Variants in CNGB3 observed in about 807,000 individuals in gnomAD.
CNGB3 encodes the protein cyclic nucleotide-gated channel beta-3.
A neutral mutation model predicts 92.8 loss-of-function variants in CNGB3; 86 were observed. The observed-to-expected ratio is 0.93, with a 90% CI of 0.78 to 1.11. CNGB3 has a LOEUF of 1.11. Among genes scored for constraint, CNGB3 ranks in the 50% least tolerant of loss-of-function variants. The pLI is 0.00. For synonymous variants in CNGB3, 333 were observed against 332.7 expected (o/e 1.00, Z -0.01); for missense variants, 1,026 against 956.8 (o/e 1.07, Z -0.95).
chr8:86,578,948 C>T (rs1166154190), intron 16 of CNGB3, 85 bp from the exon 17 acceptor site: 1 of 1,572,922 alleles, frequency 6.4e-7, no homozygotes, highest in Non-Finnish European at 8.7e-7. Flanking sequence ...TTTATCCTAA[C>T]CTGTGTAGTT....
intron 3 of CNGB3, among the ~76,000 whole-genome samples, chr8:86,693,956 A>G (rs77705723): frequency 0.89 from 134,899 of 151,372 alleles, 60,351 homozygotes; most frequent in East Asian, 1. Context: ...TCAATGAGCC[A>G]TTGGGTACAC....
intron 10 of CNGB3, among the ~76,000 whole-genome samples, chr8:86,642,796 T>C (rs1375775352): frequency 6.6e-6 from 1 of 151,632 alleles, no homozygotes; most frequent in Non-Finnish European, 1.5e-5. Flanking sequence ...ATTTTTCAAG[T>C]GATCTTTTTT....
intron 15 of CNGB3, among the ~76,000 whole-genome samples, chr8:86,585,602 G>C (rs1013499005): frequency 6.6e-6 from 1 of 152,078 alleles, no homozygotes; most frequent in Non-Finnish European, 1.5e-5. Context: ...ACATAAAATG[G>C]AATTCATAAA....
Position 86,725,539 on chromosome 8 carries a change from C to T in CNGB3, c.338+992G>A, listed in dbSNP as rs116585956. ...AAATAACATTGTGTTTATGTGCACA[C>T]GTGTGTATGTGTGTGCGTGTATGTG... is the stretch of plus-strand genomic sequence containing the variant. On this transcript the variant is annotated intron_variant, in intron 3 of 17. Coordinates refer to ENST00000320005, the MANE Select transcript of CNGB3 (RefSeq NM_019098.5). 3.8e-3 allele frequency among the ~76,000 whole-genome samples: 580 copies of T among 152,102 alleles called. 4 individuals carry two copies. The highest frequency in any genetic ancestry group is 0.013 in the African/African-American group (527 of 41,508).
At chr8:86,714,839 C>A (rs1385637657) in intron 3 of CNGB3, among the ~76,000 whole-genome samples, 2 of 152,128 alleles carry the variant, frequency 1.3e-5, no homozygotes, top group African/African-American at 4.8e-5. Context: ...GGACTGCATG[C>A]TACGTGGGAG....
intron 10 of CNGB3, among the ~76,000 whole-genome samples, chr8:86,642,946 C>A (rs770705130): frequency 6.6e-6 from 1 of 151,588 alleles, no homozygotes; most frequent in Non-Finnish European, 1.5e-5. Context: ...TTAGCCACTG[C>A]ACCTGCCCTT....
intron 2 of CNGB3, among the ~76,000 whole-genome samples, chr8:86,731,858 A>G (rs1360078283): frequency 1.3e-5 from 2 of 152,182 alleles, no homozygotes; most frequent in African/African-American, 4.8e-5. Context: ...AAAAAAGAAA[A>G]TGTATATTAA....
intron 10 of CNGB3, 48 bp downstream of exon 10, chr8:86,643,703 G>A: frequency 3.2e-6 from 5 of 1,584,116 alleles, no homozygotes; most frequent in Non-Finnish European, 4.3e-6. Flanking sequence ...CAATGAAACA[G>A]AATGTTAAAA....
intron 14 of CNGB3, among the ~76,000 whole-genome samples, chr8:86,609,154 C>T (rs904962582): frequency 1.3e-5 from 2 of 152,208 alleles, no homozygotes; most frequent in Non-Finnish European, 2.9e-5. Context: ...TGCATCTACT[C>T]TGCATTTCAT....
chr8:86,738,856 A>G (rs1825291490), intron 2 of CNGB3, among the ~76,000 whole-genome samples: 1 of 150,306 alleles, frequency 6.7e-6, no homozygotes, highest in Non-Finnish European at 1.5e-5. Flanking sequence ...AAAAAAAAAA[A>G]GGGAAGTGGG....
At chr8:86,683,956 A>C (rs1824132604) in intron 3 of CNGB3, among the ~76,000 whole-genome samples, 1 of 152,208 alleles carries the variant, frequency 6.6e-6, no homozygotes. Flanking sequence ...CTAAAAATAC[A>C]GTCCATGAAA....
At chr8:86,660,381 G>T in intron 6 of CNGB3, 1 of 435,558 alleles carries the variant, frequency 2.3e-6, no homozygotes. Context: ...GGGCAGATGT[G>T]CAACTGATCC....
chr8:86,607,352 T>A (rs1366636144), intron 14 of CNGB3, among the ~76,000 whole-genome samples: 1 of 152,148 alleles, frequency 6.6e-6, no homozygotes, highest in African/African-American at 2.4e-5. Context: ...GTTGTTAGCG[T>A]GTGGACTAAT....
intron 13 of CNGB3, among the ~76,000 whole-genome samples, chr8:86,618,489 T>A (rs919102256): frequency 6.6e-6 from 1 of 151,596 alleles, no homozygotes; most frequent in African/African-American, 2.4e-5. Flanking sequence ...TACAACCAAG[T>A]ATGTTATCTC....
chr8:86,633,797 A>G (rs1274096298), intron 10 of CNGB3, among the ~76,000 whole-genome samples: 2 of 152,226 alleles, frequency 1.3e-5, no homozygotes, highest in African/African-American at 4.8e-5. Context: ...GTTTAGATCC[A>G]ATTGTTTTTA....
chr8:86,629,198 A>G (rs1469194672), intron 11 of CNGB3, 120 bp from the exon 12 acceptor site: 6 of 1,170,930 alleles, frequency 5.1e-6, no homozygotes, highest in African/African-American at 3.0e-5. Flanking sequence ...GATTTTATTC[A>G]TTCATTCATT....
intron 3 of CNGB3, among the ~76,000 whole-genome samples, chr8:86,697,125 A>G (rs1213838178): frequency 6.6e-6 from 1 of 152,196 alleles, no homozygotes; most frequent in African/African-American, 2.4e-5. Flanking sequence ...TTACTTATGG[A>G]TGATAACATA....
At chr8:86,695,266 C>G (rs1007476645) in intron 3 of CNGB3, among the ~76,000 whole-genome samples, 5 of 152,046 alleles carry the variant, frequency 3.3e-5, no homozygotes, top group East Asian at 1.9e-4. Flanking sequence ...AGCTTCGGCT[C>G]GGCATCAGAG....
At chr8:86,642,951 G>A (rs1823219618) in intron 10 of CNGB3, among the ~76,000 whole-genome samples, 4 of 151,440 alleles carry the variant, frequency 2.6e-5, no homozygotes, top group African/African-American at 9.7e-5. Flanking sequence ...CACTGCACCT[G>A]CCCTTTAAAT....
Sources: allele counts gnomAD v4.1 joint callset (sites outside exome capture counted in the v4.1 genomes callset), GRCh38; gene constraint gnomAD v4.1.1; transcripts MANE v1.5; gene names NCBI Gene and HGNC (gene_info 2026-07-23, HGNC 2026-07-21).